The following ADAMTS3 variants were observed in gnomAD, a reference collection of about 807,000 sequenced individuals.
The protein encoded by ADAMTS3 is ADAM metallopeptidase with thrombospondin type 1 motif 3.
In ADAMTS3, 73 loss-of-function variants were observed where a neutral mutation model predicts 129.0. That is an observed-to-expected ratio of 0.57 (90% CI 0.47 to 0.69). ADAMTS3 has a LOEUF of 0.69. Among genes scored for constraint, ADAMTS3 ranks in the 30% least tolerant of loss-of-function variants. The pLI is 0.00. For synonymous variants in ADAMTS3, 477 were observed against 510.8 expected (o/e 0.93, Z 0.89); for missense variants, 1,457 against 1,514.5 (o/e 0.96, Z 0.63).
At chr4:72,525,734 C>A (rs1325703375) in intron 3 of ADAMTS3, among the ~76,000 whole-genome samples, 3 of 152,190 alleles carry the variant, frequency 2.0e-5, no homozygotes, top group Non-Finnish European at 4.4e-5. Context: ...CTCACCTGTC[C>A]TTTCTCCCAT....
intron 3 of ADAMTS3, among the ~76,000 whole-genome samples, chr4:72,522,893 C>A (rs1020610169): frequency 6.6e-6 from 1 of 152,028 alleles, no homozygotes; most frequent in Non-Finnish European, 1.5e-5. Context: ...CCAAAGTGAG[C>A]TAGTTTCTTA....
chr4:72,376,984 C>A (rs1016168456), intron 4 of ADAMTS3, among the ~76,000 whole-genome samples: 8 of 151,982 alleles, frequency 5.3e-5, no homozygotes, highest in Admixed American at 5.3e-4. Flanking sequence ...AATTTGAATA[C>A]TGAAAAAGAG....
At chr4:72,429,395 G>A (rs1187962907) in intron 3 of ADAMTS3, among the ~76,000 whole-genome samples, 2 of 151,974 alleles carry the variant, frequency 1.3e-5, no homozygotes, top group African/African-American at 4.8e-5. Flanking sequence ...CTTTCATTCA[G>A]TAGAAAAGCG....
intron 3 of ADAMTS3, among the ~76,000 whole-genome samples, chr4:72,507,208 T>C (rs983317002): frequency 1.3e-5 from 2 of 152,232 alleles, no homozygotes; most frequent in Non-Finnish European, 2.9e-5. Context: ...GCACCATCAC[T>C]GTCTGTGGCA....
At chr4:72,339,860 A>G (rs144466752) in intron 4 of ADAMTS3, among the ~76,000 whole-genome samples, 167 bp from the exon 5 acceptor site, 1 of 152,312 alleles carries the variant, frequency 6.6e-6, no homozygotes, top group African/African-American at 2.4e-5. Context: ...ATACGATCAG[A>G]CAGACCTGCT....
At chr4:72,397,562 T>TACACAC (rs35076637) in intron 4 of ADAMTS3, among the ~76,000 whole-genome samples, 6 of 147,586 alleles carry the variant, frequency 4.1e-5, no homozygotes, top group East Asian at 2.0e-4. Flanking sequence ...GAGACTCTAT[T>TACACAC]ACACACACAC....
At chr4:72,538,887 A>G (rs915105855) in intron 3 of ADAMTS3, among the ~76,000 whole-genome samples, 31 of 152,316 alleles carry the variant, frequency 2.0e-4, no homozygotes, top group African/African-American at 7.2e-4. Context: ...GATTTCAGAA[A>G]GGGGTGCCAA....
chr4:72,283,261 C>A lies in ADAMTS3; in HGVS notation c.3493G>T (p.Ala1165Ser). Reference protein sequence around the residue: ...RVHLSSASQMAAASFFAASDS... With the variant: ...RVHLSSASQMSAASFFAASDS... ...CTGGCTGCAAAGAAGGAAGCAGCAG[C>A]CATTTGTGAAGCTGAACTGAGGTGG... Residue 1165 changes from alanine (A) to serine (S), a missense_variant, in exon 22 of 22, where the codon GCT (alanine) becomes TCT (serine). Ala to Ser is a moderately conservative substitution (Grantham distance 99). Transcript: ENST00000286657. 6.2e-7 allele frequency: 1 copy of A among 1,613,958 alleles called. No individual in the cohort carries two copies. Among genetic ancestry groups the A allele is most frequent in the Non-Finnish European group, 8.5e-7 (1 of 1,179,948 alleles).
intron 4 of ADAMTS3, among the ~76,000 whole-genome samples, chr4:72,409,283 T>C (rs1350409478): frequency 6.6e-6 from 1 of 152,154 alleles, no homozygotes; most frequent in Non-Finnish European, 1.5e-5. Context: ...GCAAAGCTTT[T>C]TCCTGGTATG....
At chr4:72,450,065 C>T (rs986562431) in intron 3 of ADAMTS3, among the ~76,000 whole-genome samples, 1 of 151,658 alleles carries the variant, frequency 6.6e-6, no homozygotes, top group Non-Finnish European at 1.5e-5. Context: ...CCATGCTGTC[C>T]TACCACCTAG....
At chr4:72,324,079 G>A (rs1719635554) in intron 5 of ADAMTS3, among the ~76,000 whole-genome samples, 1 of 152,106 alleles carries the variant, frequency 6.6e-6, no homozygotes, top group Admixed American at 6.6e-5. Flanking sequence ...CTCGACACTT[G>A]TTAAAAAGAC....
At chr4:72,453,140 T>A (rs1440033247) in intron 3 of ADAMTS3, among the ~76,000 whole-genome samples, 2 of 151,842 alleles carry the variant, frequency 1.3e-5, no homozygotes, top group Admixed American at 1.3e-4. Flanking sequence ...TTATATTATA[T>A]ATTTTTTCCA....
intron 5 of ADAMTS3, among the ~76,000 whole-genome samples, chr4:72,334,149 AATC>A (rs1362385832): frequency 1.3e-5 from 2 of 152,070 alleles, no homozygotes; most frequent in African/African-American, 4.8e-5. Context: ...AGGTTTTCTT[AATC>A]ATCATGTCTA....
chr4:72,525,702 A>T (rs1209463890), intron 3 of ADAMTS3, among the ~76,000 whole-genome samples: 2 of 152,082 alleles, frequency 1.3e-5, no homozygotes, highest in African/African-American at 4.8e-5. Flanking sequence ...TTCCTGAGCT[A>T]TGCTTCTTGT....
chr4:72,339,055 G>T (rs924329130), intron 5 of ADAMTS3, among the ~76,000 whole-genome samples: 1 of 152,118 alleles, frequency 6.6e-6, no homozygotes, highest in Non-Finnish European at 1.5e-5. Flanking sequence ...GTAATAACAA[G>T]AATCCACAGA....
chr4:72,430,049 T>C (rs1578672706), intron 3 of ADAMTS3, among the ~76,000 whole-genome samples: 1 of 151,994 alleles, frequency 6.6e-6, no homozygotes, highest in South Asian at 2.1e-4. Context: ...TTGAACCCTA[T>C]TGTGTTGAAA....
chr4:72,534,301 T>C (rs1721132168), intron 3 of ADAMTS3, among the ~76,000 whole-genome samples: 1 of 150,526 alleles, frequency 6.6e-6, no homozygotes, highest in African/African-American at 2.5e-5. Flanking sequence ...CACTCCAGCA[T>C]GGGCGACAGA....
chr4:72,368,927 T>C (rs1458368979), intron 4 of ADAMTS3, among the ~76,000 whole-genome samples: 2 of 152,208 alleles, frequency 1.3e-5, no homozygotes, highest in African/African-American at 2.4e-5. Context: ...TAAAACTTGA[T>C]AGCACTTGTC....
Position 72,473,389 on chromosome 4 carries a change from G to GACAAAAACAGGCAAGGAA in ADAMTS3, c.505-58436_505-58419dup, listed in dbSNP as rs1719134528. Among the ~76,000 whole-genome samples, 4 of 151,848 alleles carry GACAAAAACAGGCAAGGAA rather than the reference G, an allele frequency of 2.6e-5. No individual in the cohort carries two copies. In the South Asian group the frequency reaches 6.2e-4, roughly 24 times the overall value. ...AAAAAGTTAGCAACTCAGAAATGTA[G>GACAAAAACAGGCAAGGAA]ACAAAAACAGGCAAGGAAACAAAAA... On this transcript the variant is annotated intron_variant, in intron 3 of 21. Transcript: ENST00000286657.
Sources: allele counts gnomAD v4.1 joint callset (sites outside exome capture counted in the v4.1 genomes callset), GRCh38; gene constraint gnomAD v4.1.1; transcripts MANE v1.5; gene names NCBI Gene and HGNC (gene_info 2026-07-23, HGNC 2026-07-21).